The following ZFAND1 variants were observed in gnomAD, a reference collection of about 807,000 sequenced individuals.
The protein encoded by ZFAND1 is zinc finger AN1-type containing 1.
A neutral mutation model predicts 38.5 loss-of-function variants in ZFAND1; 40 were observed. That is an observed-to-expected ratio of 1.04 (90% CI 0.81 to 1.35). The LOEUF is 1.35. Among genes scored for constraint, ZFAND1 ranks in the 40% most tolerant of loss-of-function variants. ZFAND1 has a pLI of 0.00. For missense variants in ZFAND1, 346 were observed against 316.3 expected (o/e 1.09, Z -0.71); for synonymous variants, 117 against 103.6 (o/e 1.13, Z -0.78).
intron 6 of ZFAND1, among the ~76,000 whole-genome samples, chr8:81,706,179 C>T (rs1807973484): frequency 1.3e-5 from 2 of 151,510 alleles, no homozygotes; most frequent in African/African-American, 4.8e-5. Context: ...ACAGATGTTC[C>T]TCCAATAATA....
chr8:81,703,233 C>G, intron 6 of ZFAND1, 109 bp from the exon 7 acceptor site: 1 of 702,182 alleles, frequency 1.4e-6, no homozygotes, highest in Non-Finnish European at 2.1e-6. Context: ...TACCTTCTAA[C>G]AAGGTATCTG....
chr8:81,702,831 G>C lies in ZFAND1; in HGVS notation c.671C>G (p.Ala224Gly). Residue 224 changes from alanine (A) to glycine (G), a missense_variant, in exon 8 of 8, where the codon GCC becomes GGC. Coordinates refer to ENST00000220669, the MANE Select transcript of ZFAND1 (RefSeq NM_024699.3). ...LRLCHITSGE[A>G]LPLDHTLETW... is the part of the protein sequence containing the mutation. ...TTCCAAAGTATGATCCAAGGGTAAG[G>C]CTTCTCCTGAAGTAATGTGACACAG... 1.2e-6 allele frequency: 2 copies of C among 1,603,412 alleles called. No homozygotes were observed. The highest frequency in any genetic ancestry group is 1.7e-6 in the Non-Finnish European group (2 of 1,175,942).
intron 6 of ZFAND1, among the ~76,000 whole-genome samples, chr8:81,706,679 A>C (rs1442234129): frequency 6.6e-6 from 1 of 152,056 alleles, no homozygotes; most frequent in African/African-American, 2.4e-5. Flanking sequence ...TTATTTAAAA[A>C]ATTAAAGCTA....
chr8:81,713,794 A>G, intron 6 of ZFAND1, 124 bp downstream of exon 6: 7 of 953,800 alleles, frequency 7.3e-6, no homozygotes, highest in Non-Finnish European at 9.6e-6. Context: ...GACATATACC[A>G]TGCAACATTA....
At position 81,702,120 on chromosome 8, in the gene ZFAND1, C is replaced by G. The variant is rs1174260473; in HGVS notation, c.*575G>C. 1 of 152,136 alleles carries G rather than the reference C, an allele frequency of 6.6e-6. No individual in the cohort carries two copies. The allele number at this position is 152,136 out of a possible 1,614,324, so 9.4% of individuals were successfully genotyped here. On this transcript the variant is annotated 3_prime_UTR_variant, in exon 8 of 8. Transcript: ENST00000220669. ...GATTCTTCATGTAAAAATTATAAGA[C>G]TGAATAAAGATCACTTCTAAGTTTC...
intron 6 of ZFAND1, among the ~76,000 whole-genome samples, chr8:81,711,179 A>G (rs12546817): frequency 0.91 from 137,957 of 152,182 alleles, 62,730 homozygotes; most frequent in African/African-American, 0.98. Flanking sequence ...TTTGGGAGGC[A>G]GAGGAGGGTG....
At chr8:81,717,309 G>A in intron 2 of ZFAND1, 21 bp from the exon 3 acceptor site, 3 of 1,504,720 alleles carry the variant, frequency 2.0e-6, no homozygotes, top group Non-Finnish European at 2.6e-6. Context: ...AATAGCAAGT[G>A]TTTATTTAAA....
At position 81,714,131 on chromosome 8, in the gene ZFAND1, A is replaced by G; in HGVS notation, c.359-92T>C. On this transcript the variant is annotated intron_variant, in intron 5 of 7. Coordinates refer to ENST00000220669, the MANE Select transcript of ZFAND1 (RefSeq NM_024699.3). ...CTTATTAATTATGGCTCAGAAACAT[A>G]TATAAATTACACACAAGAGAGATAT... 9.7e-6 allele frequency: 12 copies of G among 1,231,484 alleles called. 1 individual carries two copies. Among genetic ancestry groups the G allele is most frequent in the Middle Eastern group, 2.3e-4 (1 of 4,320 alleles). The allele number at this position is 1,231,484 out of a possible 1,614,324, so 76.3% of individuals were successfully genotyped here.
chr8:81,720,925 A>C lies in ZFAND1; in HGVS notation c.55+302T>G, dbSNP rs1385727818. The C allele has an allele frequency of 3.8e-5, 18 of 468,888 alleles. 1 individual carries two copies. Among genetic ancestry groups the C allele is most frequent in the South Asian group, 1.0e-4 (4 of 38,540 alleles). The allele number at this position is 468,888 out of a possible 1,614,324, so 29.0% of individuals were successfully genotyped here. ...TTTCAAAAGCTCACGGCCAAAAAAAACCCGCACCAACCGATCTCACTGCAG... is the reference window on the plus strand; with the variant it reads ...TTTCAAAAGCTCACGGCCAAAAAAACCCCGCACCAACCGATCTCACTGCAG... On this transcript the variant is annotated intron_variant, in intron 1 of 7. Coordinates refer to ENST00000220669, the MANE Select transcript of ZFAND1 (RefSeq NM_024699.3).
intron 6 of ZFAND1, among the ~76,000 whole-genome samples, chr8:81,710,128 A>G (rs1808096646): frequency 6.6e-6 from 1 of 152,176 alleles, no homozygotes; most frequent in East Asian, 1.9e-4. Context: ...GCCTCTACCA[A>G]CTAAATACCA....
intron 6 of ZFAND1, among the ~76,000 whole-genome samples, chr8:81,709,906 G>A (rs1251486836): frequency 6.6e-6 from 1 of 152,196 alleles, no homozygotes; most frequent in Non-Finnish European, 1.5e-5. Flanking sequence ...TTGCAAGGAT[G>A]AAATATGTTA....
chr8:81,714,961 T>C, intron 4 of ZFAND1, 26 bp downstream of exon 4: 2 of 1,614,052 alleles, frequency 1.2e-6, no homozygotes, highest in Non-Finnish European at 8.5e-7. Flanking sequence ...ATATACAAAG[T>C]GTGAACAGCC....
intron 3 of ZFAND1, among the ~76,000 whole-genome samples, chr8:81,715,946 G>T (rs1192733636): frequency 6.6e-6 from 1 of 152,138 alleles, no homozygotes; most frequent in East Asian, 1.9e-4. Context: ...TTTATAAACT[G>T]CAAGAAACTT....
chr8:81,721,294 G>C lies in ZFAND1; in HGVS notation c.-13C>G. ...CCAACTCCGCCATCTCTCCGGCGCCGTAAGGGGCGGGGCAAAGCCTGAGGG... is the reference window on the plus strand; with the variant it reads ...CCAACTCCGCCATCTCTCCGGCGCCCTAAGGGGCGGGGCAAAGCCTGAGGG... On this transcript the variant is annotated 5_prime_UTR_variant, in exon 1 of 8. Transcript: ENST00000220669. 2.6e-6 allele frequency: 4 copies of C among 1,547,624 alleles called. No individual in the cohort carries two copies. The highest frequency in any genetic ancestry group is 3.5e-6 in the Non-Finnish European group (4 of 1,146,882).
At chr8:81,711,455 A>G (rs1219452393) in intron 6 of ZFAND1, among the ~76,000 whole-genome samples, 1 of 152,130 alleles carries the variant, frequency 6.6e-6, no homozygotes, top group African/African-American at 2.4e-5. Flanking sequence ...TTACCATTCT[A>G]TGTGAAAGGC....
intron 6 of ZFAND1, among the ~76,000 whole-genome samples, chr8:81,705,654 C>G (rs1434072436): frequency 6.6e-6 from 1 of 152,210 alleles, no homozygotes; most frequent in Admixed American, 6.5e-5. Context: ...GGCATGGTGG[C>G]TCACACCTGT....
chr8:81,713,257 GGACTAC>G (rs1563607668), intron 6 of ZFAND1, among the ~76,000 whole-genome samples: 1 of 93,594 alleles, frequency 1.1e-5, no homozygotes, highest in Non-Finnish European at 2.5e-5. Flanking sequence ...CGAGTAGCTG[GGACTAC>G]AGGCGCCCAC....
chr8:81,707,301 A>G (rs1295433914), intron 6 of ZFAND1, among the ~76,000 whole-genome samples: 1 of 152,226 alleles, frequency 6.6e-6, no homozygotes, highest in African/African-American at 2.4e-5. Flanking sequence ...AGAATGGCAA[A>G]GGGGCCTTCA....
At position 81,714,801 on chromosome 8, in the gene ZFAND1, T is replaced by C; in HGVS notation, c.358+3A>G. 1 of 1,613,750 alleles carries C rather than the reference T, an allele frequency of 6.2e-7. No individual in the cohort carries two copies. Among genetic ancestry groups the C allele is most frequent in the Non-Finnish European group, 8.5e-7 (1 of 1,179,694 alleles). ...CAACAAAACACGCTTTCTAGATACT[T>C]ACCAATAATGTCTTTAACAAGTTTC... On this transcript the variant is annotated splice_donor_region_variant and intron_variant, in intron 5 of 7. Coordinates refer to ENST00000220669, the MANE Select transcript of ZFAND1 (RefSeq NM_024699.3).
Sources: allele counts gnomAD v4.1 joint callset (sites outside exome capture counted in the v4.1 genomes callset), GRCh38; gene constraint gnomAD v4.1.1; transcripts MANE v1.5; gene names NCBI Gene and HGNC (gene_info 2026-07-23, HGNC 2026-07-21).